The following CNTN5 variants were observed in gnomAD, a reference collection of about 807,000 sequenced individuals.
CNTN5 encodes the protein contactin 5.
CNTN5 carries 77 observed loss-of-function variants against 129.1 expected under a neutral mutation model. The ratio of observed to expected loss-of-function variants is 0.60; its 90% confidence interval spans 0.50 to 0.72. The LOEUF (loss-of-function observed/expected upper bound fraction) is 0.72, where lower values mean the gene tolerates loss of function less well. Among genes scored for constraint, CNTN5 ranks in the 30% least tolerant of loss-of-function variants. The probability of loss-of-function intolerance (pLI) is 0.00; values close to 1 mark genes in which losing one functional copy is unlikely to be tolerated. For missense variants in CNTN5, 1,478 were observed against 1,328.8 expected (o/e 1.11, Z -1.75); for synonymous variants, 509 against 465.6 (o/e 1.09, Z -1.20).
At chr11:99,652,527 C>A (rs1163433224) in intron 3 of CNTN5, among the ~76,000 whole-genome samples, 1 of 152,002 alleles carries the variant, frequency 6.6e-6, no homozygotes, top group Non-Finnish European at 1.5e-5. Flanking sequence ...TCTCACGATC[C>A]TGTCAACCAG....
chr11:100,295,681 T>G (rs1951086893), intron 18 of CNTN5, among the ~76,000 whole-genome samples: 1 of 151,388 alleles, frequency 6.6e-6, no homozygotes, highest in Non-Finnish European at 1.5e-5. Flanking sequence ...GAGCATCCTT[T>G]TTTTTTAGAT....
At chr11:99,558,745 G>T (rs572533325) in intron 3 of CNTN5, among the ~76,000 whole-genome samples, 1 of 152,160 alleles carries the variant, frequency 6.6e-6, no homozygotes, top group South Asian at 2.1e-4. Flanking sequence ...TAATTAGGAA[G>T]AGTTTGGGTA....
chr11:99,473,274 G>C (rs546492126), intron 2 of CNTN5, among the ~76,000 whole-genome samples: 1 of 152,076 alleles, frequency 6.6e-6, no homozygotes, highest in African/African-American at 2.4e-5. Flanking sequence ...TCTTTCCTTG[G>C]TATCTGTAGA....
At chr11:99,311,191 T>A (rs1865099826) in intron 1 of CNTN5, among the ~76,000 whole-genome samples, 1 of 152,170 alleles carries the variant, frequency 6.6e-6, no homozygotes, top group Non-Finnish European at 1.5e-5. Context: ...CCTCTCAAAG[T>A]GCTGAGATTA....
chr11:99,304,415 T>C (rs1425756286), intron 1 of CNTN5, among the ~76,000 whole-genome samples: 1 of 152,188 alleles, frequency 6.6e-6, no homozygotes, highest in East Asian at 1.9e-4. Context: ...TCAATTTGTC[T>C]TAGTACTCCA....
chr11:99,760,242 A>C (rs1944534653), intron 3 of CNTN5, among the ~76,000 whole-genome samples: 1 of 152,128 alleles, frequency 6.6e-6, no homozygotes, highest in African/African-American at 2.4e-5. Flanking sequence ...AGTGTATTTG[A>C]AAAACATAGA....
intron 2 of CNTN5, among the ~76,000 whole-genome samples, chr11:99,434,081 G>T (rs958086146): frequency 1.3e-5 from 2 of 152,102 alleles, no homozygotes; most frequent in Non-Finnish European, 2.9e-5. Context: ...CACAGTTCCA[G>T]GCCCCAATAT....
At chr11:99,499,020 C>T (rs531205389) in intron 2 of CNTN5, among the ~76,000 whole-genome samples, 2 of 152,246 alleles carry the variant, frequency 1.3e-5, no homozygotes, top group African/African-American at 4.8e-5. Flanking sequence ...GCCAATACAT[C>T]CCCTTGTTGG....
At chr11:99,698,089 AT>A (rs150457192) in intron 3 of CNTN5, among the ~76,000 whole-genome samples, 24,265 of 149,418 alleles carry the variant, frequency 0.16, 2,160 homozygotes, top group Non-Finnish European at 0.18. Context: ...CTGAAATAAG[AT>A]TTTTTTTTAC....
intron 3 of CNTN5, among the ~76,000 whole-genome samples, chr11:99,690,094 T>G (rs1953976810): frequency 6.6e-6 from 1 of 152,144 alleles, no homozygotes; most frequent in African/African-American, 2.4e-5. Context: ...TCATCTTGAG[T>G]TAATTTTTGT....
chr11:100,118,212 C>T (rs1945902438), intron 13 of CNTN5, among the ~76,000 whole-genome samples: 1 of 151,686 alleles, frequency 6.6e-6, no homozygotes, highest in South Asian at 2.1e-4. Flanking sequence ...TTTAAATTTA[C>T]TTTTTAATAA....
chr11:100,356,794 C>G lies in CNTN5; in HGVS notation c.*574C>G, dbSNP rs944293177. The G allele has an allele frequency of 2.6e-5, 4 of 154,290 alleles. No homozygotes were observed. The highest frequency in any genetic ancestry group is 9.7e-5 in the African/African-American group (4 of 41,330). 9.6% of individuals were successfully genotyped at this position (154,290 alleles called of 1,614,324 possible). A position where few individuals can be genotyped will look rare whatever the true frequency, so the allele number is the denominator to read the frequency against. ...ATTGTATGATTGCATAGTGAAATAG[C>G]AAGATTTGTCAATATGCTATTCTAT... On this transcript the variant is annotated 3_prime_UTR_variant, in exon 25 of 25. Coordinates refer to ENST00000524871, the MANE Select transcript of CNTN5 (RefSeq NM_014361.4).
intron 2 of CNTN5, among the ~76,000 whole-genome samples, chr11:99,346,542 T>C (rs1442504398): frequency 6.6e-6 from 1 of 152,118 alleles, no homozygotes; most frequent in African/African-American, 2.4e-5. Flanking sequence ...TCCCACAAGG[T>C]GTACCCTGCT....
rs1477528946 is a variant in CNTN5 at position 99,280,773 on chromosome 11, A to G, written c.-209-44573A>G. On this transcript the variant is annotated intron_variant, in intron 1 of 24. Coordinates refer to ENST00000524871, the MANE Select transcript of CNTN5 (RefSeq NM_014361.4). ...GTTGCAAGTACATAATCTAAAGTTA[A>G]TAATAATCTTTTGAAAGTACCAGGA... 2.0e-5 allele frequency among the ~76,000 whole-genome samples: 3 copies of G among 151,870 alleles called. No individual in the cohort carries two copies. The Admixed American group carries it at 2.0e-4, about 10-fold the overall frequency.
At chr11:99,356,906 G>C (rs1938712658) in intron 2 of CNTN5, among the ~76,000 whole-genome samples, 1 of 151,236 alleles carries the variant, frequency 6.6e-6, no homozygotes, top group African/African-American at 2.4e-5. Flanking sequence ...TTAACAATTG[G>C]AAGAATAAAG....
At chr11:99,657,510 G>A (rs1952421411) in intron 3 of CNTN5, among the ~76,000 whole-genome samples, 1 of 152,028 alleles carries the variant, frequency 6.6e-6, no homozygotes, top group Non-Finnish European at 1.5e-5. Flanking sequence ...ACCTGCAAAA[G>A]GGATTCACTC....
At chr11:99,164,189 G>A (rs1860762816) in intron 1 of CNTN5, among the ~76,000 whole-genome samples, 1 of 151,968 alleles carries the variant, frequency 6.6e-6, no homozygotes, top group South Asian at 2.1e-4. Context: ...AACAGGGCAT[G>A]GTGGCACCTG....
chr11:100,260,694 C>A (rs994063401), intron 17 of CNTN5, among the ~76,000 whole-genome samples: 3 of 152,220 alleles, frequency 2.0e-5, no homozygotes, highest in South Asian at 2.1e-4. Flanking sequence ...ATGACAAAAA[C>A]CACATGATTA....
chr11:99,266,125 A>G (rs998537481), intron 1 of CNTN5, among the ~76,000 whole-genome samples: 4 of 152,124 alleles, frequency 2.6e-5, no homozygotes, highest in Admixed American at 1.3e-4. Context: ...TGGATAAATC[A>G]ATAATATAGC....
Sources: allele counts gnomAD v4.1 joint callset (sites outside exome capture counted in the v4.1 genomes callset), GRCh38; gene constraint gnomAD v4.1.1; transcripts MANE v1.5; gene names NCBI Gene and HGNC (gene_info 2026-07-23, HGNC 2026-07-21).